Variants in DUS4L observed in about 807,000 individuals in gnomAD.
DUS4L encodes tRNA-dihydrouridine(20a/20b) synthase [NAD(P)+]-like.
DUS4L carries 31 observed loss-of-function variants against 33.8 expected under a neutral mutation model. The ratio of observed to expected loss-of-function variants is 0.92; its 90% confidence interval spans 0.69 to 1.24. DUS4L has a LOEUF of 1.24. DUS4L is among the 50% of genes most tolerant of loss of function. The pLI is 0.00. For synonymous variants in DUS4L, 103 were observed against 120.3 expected (o/e 0.86, Z 0.94); for missense variants, 368 against 388.6 (o/e 0.95, Z 0.45).
Position 107,577,881 on chromosome 7 carries a change from A to C in DUS4L, c.*321A>C. 5.6e-6 allele frequency: 1 copy of C among 177,500 alleles called. No homozygotes were observed. The highest frequency in any genetic ancestry group is 1.2e-5 in the Non-Finnish European group (1 of 84,266). 11.0% of individuals were successfully genotyped at this position (177,500 alleles called of 1,614,324 possible). ...ATGGGTAGAGTGGGAATTTTTTCCTAATCATGTTTTTAACATTTTAAAATA... is the reference window on the plus strand; with the variant it reads ...ATGGGTAGAGTGGGAATTTTTTCCTCATCATGTTTTTAACATTTTAAAATA... On this transcript the variant is annotated 3_prime_UTR_variant, in exon 8 of 8. Transcript: ENST00000265720.
At chr7:107,567,571 G>A (rs566599928) in intron 3 of DUS4L, among the ~76,000 whole-genome samples, 8 of 152,156 alleles carry the variant, frequency 5.3e-5, no homozygotes, top group African/African-American at 1.7e-4. Context: ...ATATTTCTTC[G>A]TATCTTTTGC....
At chr7:107,577,236 T>C in intron 7 of DUS4L, 77 bp from the exon 8 acceptor site, 2 of 1,561,040 alleles carry the variant, frequency 1.3e-6, no homozygotes, top group Admixed American at 1.9e-5. Context: ...AAAAATATAC[T>C]GTTTGCTTCA....
Position 107,567,041 on chromosome 7 carries a change from CTT to C in DUS4L, c.-21-5_-21-4del, listed in dbSNP as rs1239969559. On this transcript the variant is annotated splice_region_variant and splice_polypyrimidine_tract_variant and intron_variant, in intron 2 of 7. Transcript: ENST00000265720. ...TATTTTCTCTATACAAGCTTATTGT[CTT>C]TTTCAGATTTGAAACATATCTGTAT... is the stretch of plus-strand genomic sequence containing the variant. The C allele has an allele frequency of 1.3e-6, 2 of 1,565,920 alleles. No individual in the cohort carries two copies. The highest frequency in any genetic ancestry group is 1.7e-6 in the Non-Finnish European group (2 of 1,144,858).
rs550847956 is a variant in DUS4L, at chr7:107,576,540, C to T, written c.654C>T (p.Asp218=). ...CTATACCTGTAATTGCTAATGGAGA[C>T]ATCAGAAGCTTAAAGGAAGCAGAAA... is the stretch of plus-strand genomic sequence containing the variant. ...NMSIPVIANG[D]IRSLKEAENV... Residue 218 remains aspartate, a synonymous_variant, in exon 7 of 8, where the codon GAC becomes GAT. Coordinates refer to ENST00000265720, the MANE Select transcript of DUS4L (RefSeq NM_181581.3). 2.5e-6 allele frequency: 4 copies of T among 1,600,538 alleles called. No homozygotes were observed. The East Asian group carries it at 9.0e-5, about 36-fold the overall frequency.
intron 5 of DUS4L, chr7:107,574,902 T>C (rs1805590343): frequency 2.6e-6 from 1 of 380,886 alleles, no homozygotes; most frequent in Non-Finnish European, 4.7e-6. Flanking sequence ...TCTGAAGTCA[T>C]TGCAATTACT....
Position 107,576,512 on chromosome 7 carries a change from T to C in DUS4L, c.626T>C (p.Met209Thr). Reference protein sequence around the residue: ...YDSIKIIKENMSIPVIANGDI... With the variant: ...YDSIKIIKENTSIPVIANGDI... ...TCCATTAAAATAATTAAGGAAAATA[T>C]GTCTATACCTGTAATTGCTAATGGA... The change falls in exon 7 of 8, where the codon ATG becomes ACG. Residue 209 changes from methionine (M) to threonine (T), a missense_variant. Met to Thr is a moderately conservative substitution (Grantham distance 81). Coordinates refer to ENST00000265720, the MANE Select transcript of DUS4L (RefSeq NM_181581.3). 6.2e-7 allele frequency: 1 copy of C among 1,607,810 alleles called. No individual in the cohort carries two copies. The highest frequency in any genetic ancestry group is 8.5e-7 in the Non-Finnish European group (1 of 1,178,086).
In DUS4L at chr7:107,575,169, A is replaced by C. The variant is rs1055805885; in HGVS notation, c.357-19A>C. On this transcript the variant is annotated intron_variant, in intron 5 of 7. Transcript: ENST00000265720. ...CCAGTTATTTATAATTCACTTGTTC[A>C]TGTGTTTGCTTTACAAAGGTGGGCA... The C allele has an allele frequency of 1.9e-6, 3 of 1,606,288 alleles. No individual in the cohort carries two copies. The highest frequency in any genetic ancestry group is 1.7e-6 in the Non-Finnish European group (2 of 1,178,366).
At chr7:107,575,054 CTA>C (rs1805606599) in intron 5 of DUS4L, 132 bp from the exon 6 acceptor site, 1 of 1,175,758 alleles carries the variant, frequency 8.5e-7, no homozygotes. Context: ...AATGTTGAAT[CTA>C]TGAATTTTTT....
chr7:107,576,697 A>G (rs1805788423), intron 7 of DUS4L, 105 bp downstream of exon 7: 3 of 1,109,400 alleles, frequency 2.7e-6, no homozygotes, highest in Admixed American at 3.1e-5. Flanking sequence ...ATTAAGCCAT[A>G]TTTTCCCATT....
At position 107,564,671 on chromosome 7, in the gene DUS4L, C is replaced by A. The variant is rs543584490; in HGVS notation, c.-27C>A. 1 of 152,246 alleles carries A rather than the reference C, an allele frequency of 6.6e-6. No individual in the cohort carries two copies. Among genetic ancestry groups the A allele is most frequent in the Non-Finnish European group, 1.5e-5 (1 of 68,058 alleles). The allele number at this position is 152,246 out of a possible 1,614,324, so 9.4% of individuals were successfully genotyped here. ...ACTAACAGTATTGACGCTGTAAGAG[C>A]ATCAGGTTGGTTCCCATTGTATCTT... On this transcript the variant is annotated 5_prime_UTR_variant, in exon 2 of 8. Coordinates refer to ENST00000265720, the MANE Select transcript of DUS4L (RefSeq NM_181581.3).
At chr7:107,567,705 T>C in intron 3 of DUS4L, 1 of 438,942 alleles carries the variant, frequency 2.3e-6, no homozygotes, top group South Asian at 1.7e-5. Flanking sequence ...GCAGTGTTAA[T>C]TACATTCACA....
Position 107,576,448 on chromosome 7 carries a change from A to G in DUS4L, c.562A>G (p.Arg188Gly). Residue 188 changes from arginine (R) to glycine (G), a missense_variant, in exon 7 of 8, where the codon AGA becomes GGA. Coordinates refer to ENST00000265720, the MANE Select transcript of DUS4L (RefSeq NM_181581.3). ...TGVSWITVHG[R>G]TAEERHQPVH... ...AGTTTCATGGATTACAGTCCATGGA[A>G]GAACTGCTGAAGAAAGACATCAGCC... The G allele has an allele frequency of 2.5e-6, 4 of 1,613,138 alleles. No individual in the cohort carries two copies. The highest frequency in any genetic ancestry group is 3.4e-6 in the Non-Finnish European group (4 of 1,179,812).
chr7:107,569,149 G>A (rs1036233507), intron 3 of DUS4L, among the ~76,000 whole-genome samples: 6 of 152,174 alleles, frequency 3.9e-5, no homozygotes, highest in Non-Finnish European at 5.9e-5. Flanking sequence ...GTTGCAGTGA[G>A]CCAAGATCGC....
At chr7:107,571,049 C>A in intron 3 of DUS4L, 96 bp from the exon 4 acceptor site, 1 of 1,509,510 alleles carries the variant, frequency 6.6e-7, no homozygotes, top group East Asian at 2.3e-5. Context: ...CTCCATCTCC[C>A]CATAGGTAGA....
rs764296544 is a variant in DUS4L at position 107,572,608 on chromosome 7, GGGAGGCCAAGGTGGGT to G, written c.239-1092_239-1077del. 1.2e-3 allele frequency among the ~76,000 whole-genome samples: 182 copies of G among 152,130 alleles called. 1 individual carries two copies. The highest frequency in any genetic ancestry group is 2.4e-3 in the Non-Finnish European group (161 of 68,036). On this transcript the variant is annotated intron_variant, in intron 4 of 7. Coordinates refer to ENST00000265720, the MANE Select transcript of DUS4L (RefSeq NM_181581.3). ...CTCATGCCTGTAATCTTAGCGCTTT[GGGAGGCCAAGGTGGGT>G]GGATCACCTGAGGTCAGGAGTTTGA...
intron 3 of DUS4L, chr7:107,569,939 G>A (rs1353886448): frequency 6.6e-6 from 1 of 152,122 alleles, no homozygotes; most frequent in Non-Finnish European, 1.5e-5. Context: ...TTTCAGCGCC[G>A]TGTTGAATAA....
At position 107,567,509 on chromosome 7, in the gene DUS4L, T is replaced by C. The variant is rs151204657; in HGVS notation, c.116+323T>C. ...ATGTGAACTTAAGTCTTGGGACAAATAGGAGTGCAATTATGGGTCCTAAGG... is the reference window on the plus strand; with the variant it reads ...ATGTGAACTTAAGTCTTGGGACAAACAGGAGTGCAATTATGGGTCCTAAGG... On this transcript the variant is annotated intron_variant, in intron 3 of 7. Coordinates refer to ENST00000265720, the MANE Select transcript of DUS4L (RefSeq NM_181581.3). 5.9e-5 allele frequency among the ~76,000 whole-genome samples: 9 copies of C among 152,272 alleles called. No individual in the cohort carries two copies. The East Asian group carries it at 1.7e-3, about 29-fold the overall frequency.
At chr7:107,566,357 G>A (rs868192988) in intron 2 of DUS4L, among the ~76,000 whole-genome samples, 1 of 152,072 alleles carries the variant, frequency 6.6e-6, no homozygotes. Context: ...CCAACACTGT[G>A]AAATAGTAGG....
rs772824371 is a variant in DUS4L at position 107,571,143 on chromosome 7, AG to A, written c.117del. 6.2e-7 allele frequency: 1 copy of A among 1,613,576 alleles called. No individual in the cohort carries two copies. The highest frequency in any genetic ancestry group is 1.3e-5 in the African/African-American group (1 of 75,054). ...CATAATTAAGGTTTTATATGCTCAC[AG>A]GTTGGCTTTTAGGACACTAGTAAGA... On this transcript the variant is annotated splice_acceptor_variant, in intron 3 of 7. Transcript: ENST00000265720. LOFTEE classifies it high-confidence loss of function.
Sources: gnomAD v4.1 joint callset for allele counts (sites outside exome capture counted in the v4.1 genomes callset) on GRCh38, gnomAD v4.1.1 for gene constraint, MANE v1.5 for transcripts, NCBI Gene and HGNC (gene_info 2026-07-23, HGNC 2026-07-21) for gene names.